SEMA3A: variants seen among roughly 807,000 people sequenced by gnomAD.
SEMA3A encodes semaphorin-3A.
A neutral mutation model predicts 97.9 loss-of-function variants in SEMA3A; 29 were observed. That is an observed-to-expected ratio of 0.30 (90% confidence interval 0.22 to 0.40). The LOEUF (loss-of-function observed/expected upper bound fraction) is 0.40. Ranked by LOEUF, SEMA3A falls within the 10% of genes least tolerant of loss-of-function variation. SEMA3A has a pLI of 1.00. For missense variants in SEMA3A, 763 were observed against 951.3 expected (o/e 0.80, Z 2.60); for synonymous variants, 321 against 323.7 (o/e 0.99, Z 0.09).
intron 3 of SEMA3A, among the ~76,000 whole-genome samples, chr7:84,216,919 GA>G (rs983330636): frequency 6.6e-6 from 1 of 152,132 alleles, no homozygotes; most frequent in African/African-American, 2.4e-5. Context: ...TGAGTCAAAA[GA>G]GCTGAATATG....
At chr7:84,023,781 C>G (rs1388973520) in intron 6 of SEMA3A, among the ~76,000 whole-genome samples, 2 of 151,850 alleles carry the variant, frequency 1.3e-5, no homozygotes. Context: ...GAGGCCGAGG[C>G]GGGTGGATCA....
At chr7:84,226,896 G>C (rs1010676127) in intron 3 of SEMA3A, among the ~76,000 whole-genome samples, 4 of 151,996 alleles carry the variant, frequency 2.6e-5, no homozygotes, top group Non-Finnish European at 5.9e-5. Context: ...TATAATTATA[G>C]AGATGCCATT....
chr7:84,217,097 A>G (rs182982280), intron 3 of SEMA3A, among the ~76,000 whole-genome samples: 1 of 152,354 alleles, frequency 6.6e-6, no homozygotes, highest in Non-Finnish European at 1.5e-5. Flanking sequence ...ATAATTGCAA[A>G]AAGATTGGCA....
chr7:83,965,459 C>A (rs1350707404), intron 15 of SEMA3A, among the ~76,000 whole-genome samples: 1 of 150,734 alleles, frequency 6.6e-6, no homozygotes, highest in Admixed American at 6.6e-5. Flanking sequence ...TTGTCTCTTG[C>A]ATAATCTGCT....
intron 3 of SEMA3A, among the ~76,000 whole-genome samples, chr7:84,239,575 TCTGA>T (rs1325127720): frequency 6.6e-6 from 1 of 152,218 alleles, no homozygotes; most frequent in African/African-American, 2.4e-5. Context: ...TGGTTATCTT[TCTGA>T]CTAAAAATGC....
At position 84,377,566 on chromosome 7, in the gene SEMA3A, A is replaced by T. The variant is rs1803136915; in HGVS notation, c.-245-5666T>A. On this transcript the variant is annotated intron_variant, in intron 1 of 3. Transcript: ENST00000424555. ...CTCCAGCTTTGTTCTTTTTGCTCAG[A>T]ATTGCTTTGGTTATGTCAATGTCTT... Among the ~76,000 whole-genome samples the T allele has an allele frequency of 1.3e-5, 2 of 152,012 alleles. 1 individual carries two copies. The highest frequency in any genetic ancestry group is 4.1e-4 in the South Asian group (2 of 4,824).
At chr7:84,087,088 CTA>C (rs1794406220) in intron 4 of SEMA3A, among the ~76,000 whole-genome samples, 1 of 151,986 alleles carries the variant, frequency 6.6e-6, no homozygotes, top group Admixed American at 6.6e-5. Context: ...GCTATTAATT[CTA>C]TGTCTTTTTT....
intron 2 of SEMA3A, among the ~76,000 whole-genome samples, chr7:84,325,190 C>G (rs1478213974): frequency 6.6e-6 from 1 of 151,626 alleles, no homozygotes; most frequent in Non-Finnish European, 1.5e-5. Flanking sequence ...TTAGTTGGGT[C>G]AAGTATGGAG....
chr7:84,351,822 A>G (rs1562915107), intron 2 of SEMA3A, among the ~76,000 whole-genome samples: 1 of 152,076 alleles, frequency 6.6e-6, no homozygotes, highest in East Asian at 1.9e-4. Context: ...AGGTTCCTCA[A>G]AAAACTAAAA....
rs138704110 is a variant in SEMA3A, at chr7:84,122,926, T to G, written c.333+6197A>C. Among the ~76,000 whole-genome samples the G allele has an allele frequency of 5.1e-3, 779 of 152,252 alleles. 4 individuals are homozygous for G. Among genetic ancestry groups the G allele is most frequent in the African/African-American group, 0.017 (706 of 41,570 alleles). On this transcript the variant is annotated intron_variant, in intron 3 of 16. Transcript: ENST00000265362. The stretch of plus-strand genomic sequence containing the variant: ...ATTTTAAAAAGTCTCAAAGTTCAGG[T>G]GCATGATACAACACTTTGAAATGTA...
At position 83,987,045 on chromosome 7, in the gene SEMA3A, T is replaced by G. The variant is rs192422415; in HGVS notation, c.1453-1568A>C. The stretch of plus-strand genomic sequence containing the variant: ...CATTTCCTTGCTTTAATTTTTCTCT[T>G]TAGTTCTTATTACTGGTTATATACC... On this transcript the variant is annotated intron_variant, in intron 12 of 16. Transcript: ENST00000265362. 5.4e-4 allele frequency among the ~76,000 whole-genome samples: 82 copies of G among 151,388 alleles called. 1 individual carries two copies. The highest frequency in any genetic ancestry group is 1.3e-4 in the Non-Finnish European group (9 of 67,872).
chr7:84,147,668 G>A (rs1796502987), intron 1 of SEMA3A, among the ~76,000 whole-genome samples: 1 of 152,100 alleles, frequency 6.6e-6, no homozygotes, highest in Admixed American at 6.5e-5. Context: ...GAATGAATGA[G>A]TAAATGAATT....
intron 1 of SEMA3A, among the ~76,000 whole-genome samples, chr7:84,464,356 G>A (rs1443819549): frequency 6.6e-6 from 1 of 152,192 alleles, no homozygotes; most frequent in Non-Finnish European, 1.5e-5. Flanking sequence ...GACGATGTAA[G>A]AGAAGGTTGC....
At position 84,173,914 on chromosome 7, in the gene SEMA3A, C is replaced by T. The variant is rs965219759; in HGVS notation, c.112+20561G>A. 4.6e-5 allele frequency among the ~76,000 whole-genome samples: 7 copies of T among 152,138 alleles called. No individual in the cohort carries two copies. The East Asian group carries it at 1.4e-3, about 29-fold the overall frequency. ...ATTGTGAACTGCACATGTGAGGGAC[C>T]TAGGTTGCATGCTCCTTACGAAAAT... On this transcript the variant is annotated intron_variant, in intron 1 of 16. Transcript: ENST00000265362.
chr7:83,983,300 A>C (rs892751059), intron 13 of SEMA3A, among the ~76,000 whole-genome samples: 1 of 150,272 alleles, frequency 6.7e-6, no homozygotes, highest in Non-Finnish European at 1.5e-5. Flanking sequence ...GAACTTAGAC[A>C]CTATTGAATG....
At chr7:84,314,283 A>T (rs1759554134) in intron 2 of SEMA3A, among the ~76,000 whole-genome samples, 1 of 152,090 alleles carries the variant, frequency 6.6e-6, no homozygotes, top group African/African-American at 2.4e-5. Flanking sequence ...GATTGTCATA[A>T]TCAATGATTT....
intron 1 of SEMA3A, among the ~76,000 whole-genome samples, chr7:84,437,389 C>T (rs1264856487): frequency 6.6e-6 from 1 of 151,748 alleles, no homozygotes; most frequent in Admixed American, 6.6e-5. Flanking sequence ...GTTAATAGTC[C>T]GACATGAACA....
At chr7:84,113,606 A>G (rs916736834) in intron 3 of SEMA3A, among the ~76,000 whole-genome samples, 4 of 152,174 alleles carry the variant, frequency 2.6e-5, no homozygotes, top group Non-Finnish European at 5.9e-5. Flanking sequence ...AGGATTTACA[A>G]TGTAATAAAG....
At chr7:84,014,126 T>C (rs2116420835) in intron 7 of SEMA3A, 83 bp downstream of exon 7, 1 of 1,150,158 alleles carries the variant, frequency 8.7e-7, no homozygotes, top group East Asian at 2.4e-5. Context: ...TTTTATTGTA[T>C]ATGCACACAG....
Sources: allele counts gnomAD v4.1 joint callset (sites outside exome capture counted in the v4.1 genomes callset), GRCh38; gene constraint gnomAD v4.1.1; transcripts MANE v1.5; gene names NCBI Gene and HGNC (gene_info 2026-07-23, HGNC 2026-07-21).